The following XKR9 variants were observed in gnomAD, a reference collection of about 807,000 sequenced individuals.
XKR9 encodes XK related 9.
A neutral mutation model predicts 32.0 loss-of-function variants in XKR9; 32 were observed. The observed-to-expected ratio is 1.00, with a 90% CI of 0.76 to 1.34. XKR9 has a LOEUF of 1.34. Among genes scored for constraint, XKR9 ranks in the 40% most tolerant of loss-of-function variants. The pLI is 0.00. For missense variants in XKR9, 546 were observed against 429.7 expected (o/e 1.27, Z -2.39); for synonymous variants, 168 against 143.4 (o/e 1.17, Z -1.22).
chr8:70,920,300 T>A, the XKR9 span, among the ~76,000 whole-genome samples: 3 of 152,334 alleles, frequency 2.0e-5, no homozygotes, highest in East Asian at 5.8e-4. Context: ...ATTACATTAA[T>A]GATAAACAAA....
At chr8:70,689,681 C>T (rs1586817590) in intron 3 of XKR9, among the ~76,000 whole-genome samples, 1 of 151,958 alleles carries the variant, frequency 6.6e-6, no homozygotes, top group African/African-American at 2.4e-5. Flanking sequence ...TGGCATAGTA[C>T]ATAACTATCA....
chr8:70,974,357 A>C, the XKR9 span, among the ~76,000 whole-genome samples: 1 of 151,826 alleles, frequency 6.6e-6, no homozygotes, highest in East Asian at 1.9e-4. Context: ...CTCATCATTT[A>C]CGTTAGGTAT....
chr8:71,050,680 G>A, the XKR9 span, among the ~76,000 whole-genome samples: 2 of 152,150 alleles, frequency 1.3e-5, no homozygotes, highest in African/African-American at 4.8e-5. Context: ...GGTTTTGAGA[G>A]GCTGGGAAAA....
chr8:70,741,831 T>C (rs1045514703), intron 2 of XKR9, among the ~76,000 whole-genome samples: 1 of 152,184 alleles, frequency 6.6e-6, no homozygotes, highest in Non-Finnish European at 1.5e-5. Context: ...AGAAGTAGGA[T>C]TTCTTGATCA....
At chr8:70,810,359 A>T in the XKR9 span, among the ~76,000 whole-genome samples, 1 of 152,250 alleles carries the variant, frequency 6.6e-6, no homozygotes. Context: ...AAGACCATCG[A>T]GGCTAGGAAG....
At chr8:70,920,027 C>T in the XKR9 span, among the ~76,000 whole-genome samples, 47 of 152,090 alleles carry the variant, frequency 3.1e-4, no homozygotes, top group Non-Finnish European at 6.0e-4. Flanking sequence ...ACGGTCTTGA[C>T]GTAGTTACTT....
At chr8:70,917,188 C>T in the XKR9 span, among the ~76,000 whole-genome samples, 12,731 of 152,142 alleles carry the variant, frequency 0.084, 604 homozygotes, top group African/African-American at 0.097. Flanking sequence ...GATTGTCTTC[C>T]CAGATCCTTG....
At chr8:70,763,599 A>G (rs941417004) in intron 2 of XKR9, among the ~76,000 whole-genome samples, 1 of 152,194 alleles carries the variant, frequency 6.6e-6, no homozygotes, top group Non-Finnish European at 1.5e-5. Flanking sequence ...TAGGTGTTTG[A>G]ACTTCTTGGC....
rs1806983265 is a variant in XKR9 at position 70,741,570 on chromosome 8, ACTT to A, written n.352+34421_352+34423del. On this transcript the variant is annotated intron_variant and non_coding_transcript_variant, in intron 2 of 3. Transcript: ENST00000520273. Reference sequence around the variant, plus strand: ...CATATTTTAGCATGTGACAAGATTTACTTCTTTTTTTAAGACTGAATAGTATTC... The same window carrying A: ...CATATTTTAGCATGTGACAAGATTTACTTTTTTTAAGACTGAATAGTATTC... Among the ~76,000 whole-genome samples the A allele has an allele frequency of 2.0e-5, 3 of 152,264 alleles. No homozygotes were observed. The South Asian group carries it at 6.2e-4, about 32-fold the overall frequency.
At chr8:70,931,347 T>C in the XKR9 span, among the ~76,000 whole-genome samples, 1 of 152,126 alleles carries the variant, frequency 6.6e-6, no homozygotes, top group Non-Finnish European at 1.5e-5. Context: ...GATATGTCCA[T>C]CTATAGCTTT....
chr8:70,846,398 G>A, the XKR9 span, among the ~76,000 whole-genome samples: 70 of 151,936 alleles, frequency 4.6e-4, no homozygotes, highest in East Asian at 0.011. Flanking sequence ...CAAATGAAGA[G>A]AAAGGACTCA....
At chr8:70,770,902 C>G (rs2130231816) in intron 2 of XKR9, among the ~76,000 whole-genome samples, 1 of 152,288 alleles carries the variant, frequency 6.6e-6, no homozygotes, top group African/African-American at 2.4e-5. Flanking sequence ...GCCTTAGCTG[C>G]CTTTCAGGAT....
chr8:70,818,156 A>G, the XKR9 span, among the ~76,000 whole-genome samples: 1 of 151,928 alleles, frequency 6.6e-6, no homozygotes, highest in African/African-American at 2.4e-5. Context: ...GGAAACTATC[A>G]AGAGAGTGTT....
chr8:70,901,455 T>G, the XKR9 span, among the ~76,000 whole-genome samples: 1 of 152,232 alleles, frequency 6.6e-6, no homozygotes, highest in African/African-American at 2.4e-5. Flanking sequence ...CATAAATGTC[T>G]TCTTTTGAGA....
chr8:70,781,427 T>A (rs149430717), intron 2 of XKR9, among the ~76,000 whole-genome samples: 38 of 152,156 alleles, frequency 2.5e-4, no homozygotes, highest in African/African-American at 8.2e-4. Flanking sequence ...TAATTGTATA[T>A]ATTTATGGGA....
At chr8:70,725,337 G>A (rs1247504080) in intron 4 of XKR9, among the ~76,000 whole-genome samples, 1 of 152,060 alleles carries the variant, frequency 6.6e-6, no homozygotes, top group African/African-American at 2.4e-5. Flanking sequence ...AAAGGAAAAT[G>A]GAAGAAATGT....
the XKR9 span, among the ~76,000 whole-genome samples, chr8:70,886,582 C>A: frequency 6.6e-6 from 1 of 152,152 alleles, no homozygotes; most frequent in Non-Finnish European, 1.5e-5. Flanking sequence ...AATTGTCATT[C>A]TAACTGGCGT....
At chr8:70,926,817 T>C in the XKR9 span, among the ~76,000 whole-genome samples, 1 of 152,168 alleles carries the variant, frequency 6.6e-6, no homozygotes, top group Non-Finnish European at 1.5e-5. Context: ...GACCAGACTA[T>C]AGACTAGGAG....
intron 2 of XKR9, among the ~76,000 whole-genome samples, chr8:70,760,834 TGG>T (rs1807299065): frequency 6.6e-6 from 1 of 152,158 alleles, no homozygotes; most frequent in Non-Finnish European, 1.5e-5. Context: ...TAGTATCCAT[TGG>T]TTATTTTTCC....
Sources: gnomAD v4.1 joint callset for allele counts (sites outside exome capture counted in the v4.1 genomes callset) on GRCh38, gnomAD v4.1.1 for gene constraint, MANE v1.5 for transcripts, NCBI Gene and HGNC (gene_info 2026-07-23, HGNC 2026-07-21) for gene names.